Variants in FRY observed in about 807,000 individuals in gnomAD.
FRY encodes the protein FRY microtubule binding protein, also known as protein furry homolog.
Under a neutral mutation model 348.4 loss-of-function variants are expected in FRY, and 128 were observed. That is an observed-to-expected ratio of 0.37 (90% confidence interval 0.32 to 0.43). FRY has a LOEUF of 0.43. FRY is among the 20% of genes least tolerant of loss of function. The probability of loss-of-function intolerance (pLI) is 1.00; values close to 1 mark genes in which losing one functional copy is unlikely to be tolerated. For missense variants in FRY, 2,736 were observed against 3,695.2 expected, an observed-to-expected ratio of 0.74 and a Z score of 6.73; for synonymous variants, 1,370 against 1,374.7, an observed-to-expected ratio of 1.00 and a Z score of 0.08.
intron 31 of FRY, among the ~76,000 whole-genome samples, chr13:32,207,207 G>T (rs1182188870): frequency 1.3e-5 from 2 of 152,126 alleles, no homozygotes; most frequent in South Asian, 2.1e-4. Context: ...CAAAAGATAG[G>T]TCTTTTGAAT....
intron 43 of FRY, among the ~76,000 whole-genome samples, 163 bp downstream of exon 43, chr13:32,236,335 AT>A (rs1886225412): frequency 1.5e-5 from 1 of 65,190 alleles, no homozygotes; most frequent in Non-Finnish European, 2.8e-5. Context: ...AAAAGAAGTC[AT>A]AATACACACA....
chr13:32,047,111 C>T (rs1360753497), intron 1 of FRY, among the ~76,000 whole-genome samples: 1 of 152,152 alleles, frequency 6.6e-6, no homozygotes, highest in African/African-American at 2.4e-5. Context: ...ATATGTTTAT[C>T]TATATATACC....
In FRY at chr13:32,105,978, C is replaced by T. The variant is rs139842275; in HGVS notation, c.324+3962C>T. 6.0e-5 allele frequency among the ~76,000 whole-genome samples: 9 copies of T among 150,842 alleles called. No individual in the cohort carries two copies. In the East Asian group the frequency reaches 1.7e-3, roughly 29 times the overall value. Reference sequence around the variant, plus strand: ...ATGTAATACTTTATAGTTTACCCAGCCCCTTCTCATATTATCTCACCTGAC... The same window carrying T: ...ATGTAATACTTTATAGTTTACCCAGTCCCTTCTCATATTATCTCACCTGAC... On this transcript the variant is annotated intron_variant, in intron 3 of 60. Coordinates refer to ENST00000542859, the MANE Select transcript of FRY (RefSeq NM_023037.3).
At chr13:32,102,728 A>G (rs1478874398) in intron 3 of FRY, among the ~76,000 whole-genome samples, 1 of 152,220 alleles carries the variant, frequency 6.6e-6, no homozygotes, top group Non-Finnish European at 1.5e-5. Context: ...GTAACCAGGA[A>G]GGCCCTAGGC....
intron 3 of FRY, among the ~76,000 whole-genome samples, chr13:32,115,990 A>G (rs1034572779): frequency 3.3e-5 from 5 of 152,074 alleles, no homozygotes; most frequent in Non-Finnish European, 5.9e-5. Context: ...TTTTATATTT[A>G]TATTAAAATA....
At chr13:32,083,279 A>G (rs143673609) in intron 2 of FRY, among the ~76,000 whole-genome samples, 1 of 152,186 alleles carries the variant, frequency 6.6e-6, no homozygotes, top group East Asian at 1.9e-4. Flanking sequence ...TGGAAGTGCT[A>G]TTTAGTTCTC....
intron 58 of FRY, among the ~76,000 whole-genome samples, chr13:32,285,880 G>T (rs1889019193): frequency 6.6e-6 from 1 of 152,170 alleles, no homozygotes; most frequent in South Asian, 2.1e-4. Flanking sequence ...CAGAAAGTTT[G>T]GTTTTAGAAA....
At chr13:32,143,123 G>C (rs1406012663) in intron 11 of FRY, among the ~76,000 whole-genome samples, 2 of 152,200 alleles carry the variant, frequency 1.3e-5, no homozygotes, top group African/African-American at 4.8e-5. Flanking sequence ...AAGGGAGCCA[G>C]GTCACAAAAG....
chr13:32,186,039 C>T (rs1013451443), intron 26 of FRY, among the ~76,000 whole-genome samples: 8 of 152,128 alleles, frequency 5.3e-5, no homozygotes, highest in African/African-American at 1.9e-4. Flanking sequence ...CTTTCTTTCC[C>T]ACTCTGAGTC....
At chr13:32,291,958 CAAAT>C (rs1367007567) in intron 59 of FRY, 1 of 451,006 alleles carries the variant, frequency 2.2e-6, no homozygotes, top group Non-Finnish European at 4.4e-6. Flanking sequence ...TATGCATGAA[CAAAT>C]AAAGTTTTTT....
intron 51 of FRY, chr13:32,257,886 T>C (rs769762802): frequency 6.6e-6 from 8 of 1,215,030 alleles, no homozygotes; most frequent in Non-Finnish European, 9.8e-6. Context: ...CTAAGAGAAA[T>C]GTTCTTGAGT....
At chr13:32,147,075 C>A (rs1161668065) in intron 11 of FRY, among the ~76,000 whole-genome samples, 1 of 152,190 alleles carries the variant, frequency 6.6e-6, no homozygotes, top group African/African-American at 2.4e-5. Context: ...ATCTGTCCCA[C>A]CGTTTATATG....
chr13:32,232,012 C>CT (rs1885943531), intron 41 of FRY, among the ~76,000 whole-genome samples: 1 of 152,176 alleles, frequency 6.6e-6, no homozygotes. Context: ...AGCCACATAT[C>CT]TTTTCATTAT....
At position 32,093,265 on chromosome 13, in the gene FRY, C is replaced by T. The variant is rs916519043; in HGVS notation, c.271-8698C>T. Among the ~76,000 whole-genome samples the T allele has an allele frequency of 1.5e-3, 226 of 152,154 alleles. 1 individual carries two copies. The highest frequency in any genetic ancestry group is 4.0e-4 in the Non-Finnish European group (27 of 68,038). ...CAATCCCTTAACATCATCAAATCTC[C>T]CATGTGTTCAAACTGCCAATTGTAT... On this transcript the variant is annotated intron_variant, in intron 2 of 60. Coordinates refer to ENST00000542859, the MANE Select transcript of FRY (RefSeq NM_023037.3).
Position 32,237,311 on chromosome 13 carries a change from A to T in FRY, c.5811-68A>T. 1 of 1,483,176 alleles carries T rather than the reference A, an allele frequency of 6.7e-7. No homozygotes were observed. The allele number at this position is 1,483,176 out of a possible 1,614,324, so 91.9% of individuals were successfully genotyped here. A position where few individuals can be genotyped will look rare whatever the true frequency, so the allele number is the denominator to read the frequency against. On this transcript the variant is annotated intron_variant, in intron 43 of 60. Transcript: ENST00000542859. This position sits in a 1 kb window ranked among gnomAD's most constrained non-coding sequence, Gnocchi z 6.3. ...TCCCTCCTGCAGTGTTTCTCAGTGG[A>T]CTTGAAAGGACTGGCTTTTGGTGAC...
rs546852854 is a variant in FRY at position 32,115,627 on chromosome 13, T to A, written c.325-1707T>A. ...TCACTCAAAACCTTCGTCACATCAA[T>A]TGTGATAATCATCAACAGTTACTTT... is the stretch of plus-strand genomic sequence containing the variant. On this transcript the variant is annotated intron_variant, in intron 3 of 60. Transcript: ENST00000542859. Among the ~76,000 whole-genome samples the A allele has an allele frequency of 2.6e-5, 4 of 152,332 alleles. No individual in the cohort carries two copies. The South Asian group carries it at 8.3e-4, about 32-fold the overall frequency.
At chr13:32,137,099 T>A in intron 11 of FRY, 127 bp downstream of exon 11, 3 of 685,600 alleles carry the variant, frequency 4.4e-6, no homozygotes, top group Admixed American at 2.2e-5. Context: ...GGTGGAATAA[T>A]GAAAAAATAT....
rs768221776 is a variant in FRY at position 32,147,356 on chromosome 13, T to G, written c.1254T>G (p.Ile418Met). The G allele has an allele frequency of 6.2e-7, 1 of 1,608,946 alleles. No homozygotes were observed. Among genetic ancestry groups the G allele is most frequent in the Non-Finnish European group, 8.5e-7 (1 of 1,175,290 alleles). Residue 418 changes from isoleucine (I) to methionine (M), a missense_variant, in exon 12 of 61, where the codon ATT becomes ATG. Transcript: ENST00000542859. ...YRLLWVYMIR[I>M]KCESNTATQS... is the part of the protein sequence containing the mutation. ...TACTTTGGGTTTACATGATTCGAAT[T>G]AAATGTGAAAGCAACACAGCTACTC... is the stretch of plus-strand genomic sequence containing the variant.
chr13:32,099,926 T>C (rs1877038553), intron 2 of FRY, among the ~76,000 whole-genome samples: 1 of 151,988 alleles, frequency 6.6e-6, no homozygotes. Flanking sequence ...ACTGATATTA[T>C]TTTTGCAGAG....
Sources: gnomAD v4.1 joint callset for allele counts (sites outside exome capture counted in the v4.1 genomes callset) on GRCh38, gnomAD v4.1.1 for gene constraint, Gnocchi (gnomAD v3.1) non-coding constraint, MANE v1.5 for transcripts, NCBI Gene and HGNC (gene_info 2026-07-23, HGNC 2026-07-21) for gene names.